The following SAXO1 variants were observed in gnomAD, a reference collection of about 807,000 sequenced individuals.
The protein encoded by SAXO1 is 4930500O09Rik.
SAXO1 carries 21 observed loss-of-function variants against 17.5 expected under a neutral mutation model. The ratio of observed to expected loss-of-function variants is 1.20; its 90% CI spans 0.85 to 1.72. SAXO1 has a LOEUF of 1.72. SAXO1 is among the 40% of genes most tolerant of loss of function. The pLI is 0.00. For synonymous variants in SAXO1, 274 were observed against 216.5 expected (o/e 1.27, Z -2.33); for missense variants, 843 against 596.0 (o/e 1.41, Z -4.32).
At chr9:19,030,406 C>A (rs1217237878) in intron 1 of SAXO1, among the ~76,000 whole-genome samples, 1 of 151,184 alleles carries the variant, frequency 6.6e-6, no homozygotes, top group Admixed American at 6.6e-5. Context: ...GGGACCCAGA[C>A]TTTAGAAAAG....
intron 1 of SAXO1, among the ~76,000 whole-genome samples, chr9:19,010,759 G>C (rs538986968): frequency 3.3e-5 from 5 of 152,274 alleles, no homozygotes; most frequent in Non-Finnish European, 5.9e-5. Flanking sequence ...CAGTATTCTA[G>C]GAAATTTTCT....
intron 1 of SAXO1, among the ~76,000 whole-genome samples, chr9:18,963,872 T>C (rs1049222919): frequency 6.6e-6 from 1 of 152,224 alleles, no homozygotes; most frequent in African/African-American, 2.4e-5. Flanking sequence ...CTTGTGCTGG[T>C]TTTCAAAGGG....
intron 1 of SAXO1, among the ~76,000 whole-genome samples, chr9:18,956,776 C>A (rs79941390): frequency 0.013 from 1,978 of 152,304 alleles, 44 homozygotes; most frequent in African/African-American, 0.045. Flanking sequence ...AATTAAAAGG[C>A]TAATTTGTGG....
At chr9:18,964,077 T>G (rs1049001459) in intron 1 of SAXO1, among the ~76,000 whole-genome samples, 2 of 152,242 alleles carry the variant, frequency 1.3e-5, no homozygotes. Flanking sequence ...TTATGTTTAT[T>G]GATTTGCAAA....
chr9:19,004,346 A>C (rs1324726035), intron 1 of SAXO1, among the ~76,000 whole-genome samples: 1 of 151,692 alleles, frequency 6.6e-6, no homozygotes, highest in Non-Finnish European at 1.5e-5. Flanking sequence ...AGGTTCTAGA[A>C]CTTGCAATCC....
At chr9:18,944,600 G>A (rs1831713103) in intron 2 of SAXO1, among the ~76,000 whole-genome samples, 1 of 152,188 alleles carries the variant, frequency 6.6e-6, no homozygotes, top group African/African-American at 2.4e-5. Context: ...GTTTCTTTTA[G>A]GTAAGTAGCT....
chr9:19,005,189 G>A (rs1834436000), intron 1 of SAXO1, among the ~76,000 whole-genome samples: 1 of 152,140 alleles, frequency 6.6e-6, no homozygotes, highest in Non-Finnish European at 1.5e-5. Flanking sequence ...TCTTAATACT[G>A]TTAAAATGAC....
At chr9:19,047,639 C>T (rs1209412989) in intron 1 of SAXO1, among the ~76,000 whole-genome samples, 1 of 152,094 alleles carries the variant, frequency 6.6e-6, no homozygotes, top group Admixed American at 6.5e-5. Flanking sequence ...TAGATCAAAA[C>T]CAAGAAGCAG....
At chr9:18,983,214 G>A (rs1254334712) in intron 1 of SAXO1, among the ~76,000 whole-genome samples, 4 of 152,166 alleles carry the variant, frequency 2.6e-5, no homozygotes, top group Admixed American at 6.5e-5. Context: ...CAATGGCTGG[G>A]GAGGCCTCAG....
chr9:18,960,710 G>A (rs1356181140), intron 1 of SAXO1, among the ~76,000 whole-genome samples: 5 of 152,146 alleles, frequency 3.3e-5, no homozygotes, highest in African/African-American at 9.7e-5. Context: ...GAGTCCAGAG[G>A]GTTGAGACTG....
At chr9:19,010,500 T>C (rs916683337) in intron 1 of SAXO1, among the ~76,000 whole-genome samples, 6 of 151,956 alleles carry the variant, frequency 3.9e-5, no homozygotes, top group African/African-American at 1.2e-4. Context: ...AGAAACCCTA[T>C]AGTCTTTTAG....
intron 1 of SAXO1, among the ~76,000 whole-genome samples, chr9:18,961,492 C>CT (rs1328526821): frequency 1.3e-5 from 2 of 152,196 alleles, no homozygotes; most frequent in South Asian, 4.1e-4. Flanking sequence ...TCCCCTTGCC[C>CT]CCACCCCTCA....
chr9:18,948,731 C>T (rs1409470381), intron 2 of SAXO1, among the ~76,000 whole-genome samples: 2 of 152,170 alleles, frequency 1.3e-5, no homozygotes, highest in Admixed American at 6.5e-5. Context: ...CCCCATTCTC[C>T]TAAGCTTTGG....
intron 3 of SAXO1, among the ~76,000 whole-genome samples, chr9:18,938,449 C>T (rs768808640): frequency 2.6e-5 from 4 of 151,942 alleles, no homozygotes; most frequent in Admixed American, 6.6e-5. Context: ...ACAGAGAGCG[C>T]GAGTCGGGAG....
At chr9:19,036,901 T>G (rs986610871), upstream of SAXO1, among the ~76,000 whole-genome samples, 1 of 152,098 alleles carries the variant, frequency 6.6e-6, no homozygotes, top group Non-Finnish European at 1.5e-5. Flanking sequence ...AGACACTCAT[T>G]GCCAGCCCAT....
chr9:19,008,757 CA>C (rs1834595713), intron 1 of SAXO1, among the ~76,000 whole-genome samples: 1 of 152,100 alleles, frequency 6.6e-6, no homozygotes, highest in African/African-American at 2.4e-5. Context: ...GGATAAGAAA[CA>C]GGACAAATCA....
At chr9:19,006,646 A>G (rs1391025535) in intron 1 of SAXO1, among the ~76,000 whole-genome samples, 1 of 152,240 alleles carries the variant, frequency 6.6e-6, no homozygotes, top group African/African-American at 2.4e-5. Flanking sequence ...TTTTGTTTAA[A>G]CAAGTACAGA....
chr9:19,023,708 C>G (rs1835347500), intron 1 of SAXO1, among the ~76,000 whole-genome samples: 1 of 151,898 alleles, frequency 6.6e-6, no homozygotes, highest in South Asian at 2.1e-4. Context: ...TACAAATCCA[C>G]TCAGAAAAAC....
intron 1 of SAXO1, among the ~76,000 whole-genome samples, chr9:18,974,920 C>G (rs1360621672): frequency 1.3e-5 from 2 of 152,106 alleles, no homozygotes; most frequent in Non-Finnish European, 2.9e-5. Context: ...ATATCAGAAT[C>G]TCCATCATAA....
Sources: gnomAD v4.1 joint callset for allele counts (sites outside exome capture counted in the v4.1 genomes callset) on GRCh38, gnomAD v4.1.1 for gene constraint, MANE v1.5 for transcripts, NCBI Gene and HGNC (gene_info 2026-07-23, HGNC 2026-07-21) for gene names.